Variants in DMXL1 observed in about 807,000 individuals in gnomAD.
The protein encoded by DMXL1 is dmX-like protein 1.
DMXL1 carries 99 observed loss-of-function variants against 319.2 expected under a neutral mutation model. The ratio of observed to expected loss-of-function variants is 0.31; its 90% CI spans 0.26 to 0.37. The LOEUF is 0.37. Among genes scored for constraint, DMXL1 ranks in the 10% least tolerant of loss-of-function variants. The pLI, the probability that DMXL1 is intolerant of heterozygous loss-of-function variation, is 1.00. For missense variants in DMXL1, 3,745 were observed against 3,595.6 expected (o/e 1.04, Z -1.06); for synonymous variants, 1,385 against 1,235.2 (o/e 1.12, Z -2.54).
intron 25 of DMXL1, among the ~76,000 whole-genome samples, chr5:119,172,588 T>G (rs1424905962): frequency 6.6e-6 from 1 of 152,256 alleles, no homozygotes; most frequent in Non-Finnish European, 1.5e-5. Flanking sequence ...ATTATATTGT[T>G]ATAGTTAATT....
chr5:119,129,888 A>C (rs1229046944), intron 10 of DMXL1, among the ~76,000 whole-genome samples: 2 of 152,246 alleles, frequency 1.3e-5, no homozygotes, highest in African/African-American at 4.8e-5. Flanking sequence ...AGAGAGAAAG[A>C]AAGCATAGCT....
intron 34 of DMXL1, among the ~76,000 whole-genome samples, chr5:119,210,016 T>G (rs1782463625): frequency 6.6e-6 from 1 of 152,202 alleles, no homozygotes; most frequent in Non-Finnish European, 1.5e-5. Context: ...TTGCCTATGC[T>G]GGAGTGCAGT....
At chr5:119,245,563 C>T (rs1265609283) in intron 43 of DMXL1, among the ~76,000 whole-genome samples, 4 of 135,538 alleles carry the variant, frequency 3.0e-5, no homozygotes, top group Admixed American at 1.6e-4. Flanking sequence ...TTTTTTGAGA[C>T]GGAGTCTTAC....
intron 19 of DMXL1, among the ~76,000 whole-genome samples, chr5:119,156,842 T>G (rs1391039446): frequency 1.3e-5 from 2 of 152,154 alleles, no homozygotes; most frequent in Admixed American, 6.5e-5. Context: ...ACTGTTTGTT[T>G]TTTTCTCTTT....
chr5:119,149,226 A>G lies in DMXL1; in HGVS notation c.3399A>G (p.Thr1133=). 6.2e-7 allele frequency: 1 copy of G among 1,613,982 alleles called. No homozygotes were observed. Among genetic ancestry groups the G allele is most frequent in the Non-Finnish European group, 8.5e-7 (1 of 1,179,886 alleles). Reference sequence around the variant, plus strand: ...ATTTATCTAGTAAAGAGAATATCACATCAAACACAAAGCATTTAGTTCACT... The same window carrying G: ...ATTTATCTAGTAAAGAGAATATCACGTCAAACACAAAGCATTTAGTTCACT... The part of the protein sequence containing the change: ...DMYLSSKENI[T]SNTKHLVHLD... The change falls in exon 18 of 44, where the codon ACA becomes ACG. Residue 1133 remains threonine (T), a synonymous_variant. Coordinates refer to ENST00000539542, the MANE Select transcript of DMXL1 (RefSeq NM_001290321.3).
intron 4 of DMXL1, among the ~76,000 whole-genome samples, chr5:119,108,603 A>G (rs1758872295): frequency 6.6e-6 from 1 of 151,952 alleles, no homozygotes; most frequent in Non-Finnish European, 1.5e-5. Flanking sequence ...TTTTTTCTGT[A>G]GAGGCAGGGT....
chr5:119,170,640 T>C lies in DMXL1; in HGVS notation c.5849T>C (p.Phe1950Ser), dbSNP rs767075304. 1.2e-6 allele frequency: 2 copies of C among 1,613,802 alleles called. No individual in the cohort carries two copies. The highest frequency in any genetic ancestry group is 1.7e-6 in the Non-Finnish European group (2 of 1,179,914). The part of the protein sequence containing the change: ...SEKQSNSTLS[F>S]DWSQPSVVFQ... ...AAGCAATCAAACTCCACTCTTTCTT[T>C]TGACTGGAGCCAACCAAGTGTTGTG... The change falls in exon 24 of 44, where the codon TTT becomes TCT. Residue 1950 changes from phenylalanine to serine, a missense_variant. Physicochemically the swap from Phe to Ser is radical, Grantham distance 155 (BLOSUM62 -2). This residue lies in a region of DMXL1 where 1,382 missense variants were observed against 1,269.5 expected (regional missense o/e 1.09). Coordinates refer to ENST00000539542, the MANE Select transcript of DMXL1 (RefSeq NM_001290321.3).
chr5:119,206,948 A>T, intron 34 of DMXL1, 52 bp downstream of exon 34: 1 of 1,138,104 alleles, frequency 8.8e-7, no homozygotes, highest in African/African-American at 1.6e-5. Flanking sequence ...TCACAAAAGA[A>T]CAAAGCATTT....
chr5:119,126,959 C>CT (rs367708313), intron 9 of DMXL1: 4,477 of 157,760 alleles, frequency 0.028, 182 homozygotes, highest in African/African-American at 0.097. Context: ...AGTTTTTGAA[C>CT]TTTTTTTTTT....
chr5:119,135,700 C>T (rs545093471), intron 13 of DMXL1, among the ~76,000 whole-genome samples: 1 of 152,248 alleles, frequency 6.6e-6, no homozygotes, highest in African/African-American at 2.4e-5. Context: ...TGGCAGTTTC[C>T]CCTGTGCACG....
At chr5:119,223,964 C>G (rs1785091556) in intron 37 of DMXL1, among the ~76,000 whole-genome samples, 1 of 151,804 alleles carries the variant, frequency 6.6e-6, no homozygotes, top group Non-Finnish European at 1.5e-5. Context: ...AAACTAATAG[C>G]AAAAAAATAT....
chr5:119,152,057 T>G (rs1416556413), intron 19 of DMXL1, 21 bp downstream of exon 19: 10 of 1,533,508 alleles, frequency 6.5e-6, no homozygotes, highest in Non-Finnish European at 9.0e-6. Flanking sequence ...TAGTAATCTA[T>G]TAAAGGGAAA....
At chr5:119,166,560 C>G in intron 21 of DMXL1, 56 bp from the exon 22 acceptor site, 1 of 1,477,936 alleles carries the variant, frequency 6.8e-7, no homozygotes, top group South Asian at 1.3e-5. Context: ...AAAATTGATT[C>G]TGATGTAAAG....
Position 119,177,976 on chromosome 5 carries a change from A to G in DMXL1, c.6887-20A>G, listed in dbSNP as rs767653260. The G allele has an allele frequency of 8.9e-6, 14 of 1,572,682 alleles. No individual in the cohort carries two copies. In the East Asian group the frequency reaches 1.8e-4, roughly 20 times the overall value. On this transcript the variant is annotated intron_variant, in intron 27 of 43. Coordinates refer to ENST00000539542, the MANE Select transcript of DMXL1 (RefSeq NM_001290321.3). ...TAAAAATTTATAGTCAGTGACAGCT[A>G]TGTTTGTTTGTCGTTCTAGGAATAA... is the stretch of plus-strand genomic sequence containing the variant.
At chr5:119,119,045 C>A (rs996482770) in intron 8 of DMXL1, 41 bp downstream of exon 8, 10 of 1,413,102 alleles carry the variant, frequency 7.1e-6, no homozygotes, top group Non-Finnish European at 9.6e-6. Context: ...AGTTTTAAAA[C>A]CTTTGGTACA....
rs1789945288 is a variant in DMXL1, at chr5:119,247,157, C to T, written c.9085C>T (p.Leu3029=). The T allele has an allele frequency of 6.2e-7, 1 of 1,614,070 alleles. No homozygotes were observed. The highest frequency in any genetic ancestry group is 8.5e-7 in the Non-Finnish European group (1 of 1,179,982). ...TGATGGAACAATGAAAATGAGAATA[C>T]TGCCAGATCAGTTTAGCCCTTTAAA... The part of the protein sequence containing the change: ...GADGTMKMRI[L]PDQFSPLNEV... The change falls in exon 44 of 44, where the codon CTG becomes TTG. Residue 3029 remains leucine, a synonymous_variant. Coordinates refer to ENST00000539542, the MANE Select transcript of DMXL1 (RefSeq NM_001290321.3).
Position 119,128,281 on chromosome 5 carries a change from C to G in DMXL1, c.1103-930C>G, listed in dbSNP as rs144653127. On this transcript the variant is annotated intron_variant, in intron 9 of 43. Coordinates refer to ENST00000539542, the MANE Select transcript of DMXL1 (RefSeq NM_001290321.3). ...TGTAAAGTTTCTGAATCCAGATTTCCCCACTGCCATAAGTATGAATTCCAA... is the reference window on the plus strand; with the variant it reads ...TGTAAAGTTTCTGAATCCAGATTTCGCCACTGCCATAAGTATGAATTCCAA... The G allele has an allele frequency of 2.9e-3, 858 of 299,096 alleles. 9 individuals are homozygous for G. The highest frequency in any genetic ancestry group is 0.018 in the African/African-American group (795 of 44,666). 18.5% of individuals were successfully genotyped at this position (299,096 alleles called of 1,614,324 possible).
At chr5:119,122,451 C>A (rs1260556253) in intron 9 of DMXL1, among the ~76,000 whole-genome samples, 8 of 151,560 alleles carry the variant, frequency 5.3e-5, no homozygotes, top group African/African-American at 1.7e-4. Context: ...TAACCCCCCC[C>A]ACCTCCCTCC....
intron 2 of DMXL1, among the ~76,000 whole-genome samples, chr5:119,100,069 T>C (rs899732148): frequency 6.6e-5 from 10 of 152,122 alleles, no homozygotes; most frequent in African/African-American, 9.7e-5. Flanking sequence ...AAGAAATATT[T>C]TCTTCATTTA....
Sources: allele counts gnomAD v4.1 joint callset (sites outside exome capture counted in the v4.1 genomes callset), GRCh38; gene constraint gnomAD v4.1.1; regional missense constraint gnomAD v4.1.1; transcripts MANE v1.5; gene names NCBI Gene and HGNC (gene_info 2026-07-23, HGNC 2026-07-21).